The following MEOX2 variants were observed in gnomAD, a reference collection of about 807,000 sequenced individuals.
MEOX2 encodes the protein mesenchyme homeobox 2.
A neutral mutation model predicts 27.0 loss-of-function variants in MEOX2; 11 were observed. The observed-to-expected ratio is 0.41, with a 90% CI of 0.26 to 0.68. The LOEUF (loss-of-function observed/expected upper bound fraction) is 0.68, where lower values mean the gene tolerates loss of function less well. Ranked by LOEUF, MEOX2 falls within the 30% of genes least tolerant of loss-of-function variation. The pLI is 0.33. For synonymous variants in MEOX2, 189 were observed against 155.4 expected, an observed-to-expected ratio of 1.22 and a Z score of -1.61; for missense variants, 436 against 385.4, an observed-to-expected ratio of 1.13 and a Z score of -1.10.
At chr7:15,662,737 A>G (rs545954066) in intron 1 of MEOX2, among the ~76,000 whole-genome samples, 1 of 152,300 alleles carries the variant, frequency 6.6e-6, no homozygotes, top group Non-Finnish European at 1.5e-5. Context: ...AAGTGCAGTG[A>G]CTGGGAGTAT....
chr7:15,653,653 G>T (rs1317793528), intron 1 of MEOX2, among the ~76,000 whole-genome samples: 1 of 151,860 alleles, frequency 6.6e-6, no homozygotes, highest in African/African-American at 2.4e-5. Flanking sequence ...TTTAATTTTT[G>T]TATAAGGTCT....
chr7:15,633,721 A>T (rs1583753434), intron 1 of MEOX2, among the ~76,000 whole-genome samples: 1 of 151,888 alleles, frequency 6.6e-6, no homozygotes, highest in East Asian at 1.9e-4. Flanking sequence ...TTAAGCAGTG[A>T]TGTAGAAATT....
intron 2 of MEOX2, among the ~76,000 whole-genome samples, chr7:15,614,202 G>GATAAA (rs60984021): frequency 0.067 from 9,542 of 141,534 alleles, 475 homozygotes; most frequent in South Asian, 0.12. Context: ...CAAATAAATA[G>GATAAA]ATAAAATAAA....
intron 2 of MEOX2, among the ~76,000 whole-genome samples, chr7:15,615,675 A>T (rs1781113109): frequency 6.6e-6 from 1 of 151,958 alleles, no homozygotes; most frequent in Non-Finnish European, 1.5e-5. Context: ...ATTTGAGAAA[A>T]TTTTACTTCT....
At chr7:15,669,255 T>TA (rs1782059486) in intron 1 of MEOX2, among the ~76,000 whole-genome samples, 1 of 152,242 alleles carries the variant, frequency 6.6e-6, no homozygotes, top group Non-Finnish European at 1.5e-5. Context: ...GGTCTAGACT[T>TA]ATTTCTGTTC....
At chr7:15,622,032 G>C (rs1027421559) in intron 2 of MEOX2, among the ~76,000 whole-genome samples, 13 of 152,120 alleles carry the variant, frequency 8.5e-5, no homozygotes, top group Non-Finnish European at 1.5e-4. Context: ...GAAGAGAATT[G>C]CTTGAACCCA....
At chr7:15,681,743 T>G (rs189245157) in intron 1 of MEOX2, 9 of 151,882 alleles carry the variant, frequency 5.9e-5, no homozygotes, top group Non-Finnish European at 1.2e-4. Flanking sequence ...AAGATGTCAT[T>G]GTAAAGGTTT....
At chr7:15,653,805 A>G (rs985478666) in intron 1 of MEOX2, among the ~76,000 whole-genome samples, 2 of 151,968 alleles carry the variant, frequency 1.3e-5, no homozygotes, top group Non-Finnish European at 2.9e-5. Flanking sequence ...AATACCACAC[A>G]GTTTTGATTA....
intron 1 of MEOX2, among the ~76,000 whole-genome samples, chr7:15,685,197 G>T (rs775494427): frequency 3.3e-5 from 5 of 152,132 alleles, no homozygotes; most frequent in Admixed American, 6.5e-5. Context: ...TACTATTAAG[G>T]TTCGTCTTTC....
Position 15,636,417 on chromosome 7 carries a change from A to C in MEOX2, c.518-9499T>G, listed in dbSNP as rs142798922. Among the ~76,000 whole-genome samples the C allele has an allele frequency of 6.4e-3, 969 of 152,168 alleles. 11 individuals are homozygous for C. The highest frequency in any genetic ancestry group is 0.022 in the African/African-American group (917 of 41,538). On this transcript the variant is annotated intron_variant, in intron 1 of 2. Coordinates refer to ENST00000262041, the MANE Select transcript of MEOX2 (RefSeq NM_005924.5). ...AGGTAATGAAATAAAACTTATTATA[A>C]AATACCAAACAACATAGGGTTCTAG... is the stretch of plus-strand genomic sequence containing the variant.
At position 15,612,235 on chromosome 7, in the gene MEOX2, CT is replaced by C; in HGVS notation, c.*151del. ...TAATAAGTGGCACTTTGTGTAAACCCTCTATAAATCATGAAAAACAGATTCG... is the reference window on the plus strand; with the variant it reads ...TAATAAGTGGCACTTTGTGTAAACCCCTATAAATCATGAAAAACAGATTCG... On this transcript the variant is annotated 3_prime_UTR_variant, in exon 3 of 3. Transcript: ENST00000262041. 3.0e-6 allele frequency: 2 copies of C among 668,892 alleles called. No individual in the cohort carries two copies. The highest frequency in any genetic ancestry group is 5.1e-6 in the Non-Finnish European group (2 of 392,130). The allele number at this position is 668,892 out of a possible 1,614,324, so 41.4% of individuals were successfully genotyped here. A position where few individuals can be genotyped will look rare whatever the true frequency, so the allele number is the denominator to read the frequency against.
intron 1 of MEOX2, among the ~76,000 whole-genome samples, chr7:15,663,823 G>C (rs969986912): frequency 6.6e-6 from 1 of 152,090 alleles, no homozygotes; most frequent in Non-Finnish European, 1.5e-5. Flanking sequence ...CGTAGTAATA[G>C]CATCATTCCA....
At chr7:15,618,632 T>C (rs1193035376) in intron 2 of MEOX2, among the ~76,000 whole-genome samples, 5 of 151,900 alleles carry the variant, frequency 3.3e-5, no homozygotes, top group African/African-American at 1.2e-4. Context: ...ATAAGAAGAG[T>C]AGAATACTGA....
intron 1 of MEOX2, among the ~76,000 whole-genome samples, chr7:15,628,613 C>T (rs1015163437): frequency 9.2e-5 from 14 of 152,078 alleles, no homozygotes; most frequent in Admixed American, 6.6e-4. Flanking sequence ...AGGTTGATTG[C>T]ACTTTATAGA....
chr7:15,645,174 T>C lies in MEOX2; in HGVS notation c.518-18256A>G, dbSNP rs557982004. ...ATCTATAAAACTGATAATATTTTTC[T>C]GATTCATTAATAACCTTTCTTGTAG... On this transcript the variant is annotated intron_variant, in intron 1 of 2. Coordinates refer to ENST00000262041, the MANE Select transcript of MEOX2 (RefSeq NM_005924.5). Among the ~76,000 whole-genome samples the C allele has an allele frequency of 7.2e-4, 109 of 152,384 alleles. 1 individual carries two copies. The highest frequency in any genetic ancestry group is 2.5e-3 in the African/African-American group (105 of 41,598).
intron 1 of MEOX2, among the ~76,000 whole-genome samples, chr7:15,653,188 A>G (rs1021409582): frequency 1.5e-5 from 2 of 136,034 alleles, no homozygotes; most frequent in Non-Finnish European, 3.3e-5. Flanking sequence ...ATGGCTGTGT[A>G]GTGTCATAAC....
chr7:15,665,321 T>C (rs1171093373), intron 1 of MEOX2, among the ~76,000 whole-genome samples: 2 of 152,146 alleles, frequency 1.3e-5, no homozygotes, highest in African/African-American at 4.8e-5. Context: ...TCAGCAGCCC[T>C]AATTATCTTT....
chr7:15,624,926 A>G (rs1392950743), intron 2 of MEOX2, among the ~76,000 whole-genome samples: 1 of 152,222 alleles, frequency 6.6e-6, no homozygotes, highest in Non-Finnish European at 1.5e-5. Context: ...GAAAGAAGAA[A>G]TATCCAAGAC....
chr7:15,684,470 A>G lies in MEOX2; in HGVS notation c.517+1416T>C, dbSNP rs570818926. Among the ~76,000 whole-genome samples, 277 of 152,334 alleles carry G rather than the reference A, an allele frequency of 1.8e-3. 2 individuals are homozygous for G. The highest frequency in any genetic ancestry group is 9.4e-4 in the Non-Finnish European group (64 of 68,022). On this transcript the variant is annotated intron_variant, in intron 1 of 2. Transcript: ENST00000262041. The stretch of plus-strand genomic sequence containing the variant: ...ATTTTCTTATAAAAACTAATTTGTG[A>G]TGGAACATTAAAAGTTCACCCCCTG...
Sources: allele counts gnomAD v4.1 joint callset (sites outside exome capture counted in the v4.1 genomes callset), GRCh38; gene constraint gnomAD v4.1.1; transcripts MANE v1.5; gene names NCBI Gene and HGNC (gene_info 2026-07-23, HGNC 2026-07-21).